The following PLEKHA5 variants were observed in gnomAD, a reference collection of about 807,000 sequenced individuals.
PLEKHA5 encodes pleckstrin homology domain containing A5.
In PLEKHA5, 55 loss-of-function variants were observed where a neutral mutation model predicts 181.9. That is an observed-to-expected ratio of 0.30 (90% CI 0.24 to 0.38). The LOEUF (loss-of-function observed/expected upper bound fraction) is 0.38, where lower values mean the gene tolerates loss of function less well. Among genes scored for constraint, PLEKHA5 ranks in the 10% least tolerant of loss-of-function variants. PLEKHA5 has a pLI of 1.00. For synonymous variants in PLEKHA5, 535 were observed against 529.4 expected, an observed-to-expected ratio of 1.01 and a Z score of -0.15; for missense variants, 1,432 against 1,549.5, an observed-to-expected ratio of 0.92 and a Z score of 1.27.
At chr12:19,190,794 C>T (rs560897761) in intron 3 of PLEKHA5, among the ~76,000 whole-genome samples, 2 of 152,224 alleles carry the variant, frequency 1.3e-5, no homozygotes, top group South Asian at 2.1e-4. Context: ...TATTCTCAGC[C>T]CTCTCAAGAT....
intron 11 of PLEKHA5, among the ~76,000 whole-genome samples, chr12:19,275,309 G>T (rs2074187811): frequency 6.6e-6 from 1 of 151,968 alleles, no homozygotes; most frequent in African/African-American, 2.4e-5. Context: ...CTTGTCCCCT[G>T]CCATTATCAC....
intron 11 of PLEKHA5, among the ~76,000 whole-genome samples, chr12:19,279,723 T>C (rs1487101676): frequency 1.3e-5 from 2 of 151,120 alleles, no homozygotes; most frequent in Non-Finnish European, 3.0e-5. Context: ...CCTACTCCCC[T>C]ACCCTGCCCC....
intron 15 of PLEKHA5, among the ~76,000 whole-genome samples, chr12:19,303,120 C>A (rs1196579091): frequency 6.6e-6 from 1 of 151,624 alleles, no homozygotes; most frequent in Non-Finnish European, 1.5e-5. Context: ...CGGGGTTTCA[C>A]CATGTTGGCC....
chr12:19,156,803 G>T (rs1459400746), intron 3 of PLEKHA5, among the ~76,000 whole-genome samples: 1 of 151,656 alleles, frequency 6.6e-6, no homozygotes, highest in Non-Finnish European at 1.5e-5. Flanking sequence ...CCTGCACTTT[G>T]GGAGGCCAGG....
intron 3 of PLEKHA5, among the ~76,000 whole-genome samples, chr12:19,222,223 A>C (rs2059056470): frequency 1.3e-5 from 2 of 152,148 alleles, no homozygotes; most frequent in African/African-American, 4.8e-5. Context: ...ATTATCAAAG[A>C]AAGATCCTCA....
At chr12:19,372,774 C>CTT (rs1178948068) in intron 31 of PLEKHA5, 23 of 139,400 alleles carry the variant, frequency 1.6e-4, no homozygotes, top group African/African-American at 4.8e-4. Flanking sequence ...TTTCTTTTTT[C>CTT]TTTTTTTTTT....
chr12:19,319,411 C>G (rs199592961), intron 16 of PLEKHA5, among the ~76,000 whole-genome samples: 1 of 152,130 alleles, frequency 6.6e-6, no homozygotes, highest in East Asian at 1.9e-4. Flanking sequence ...TAGATCAATT[C>G]AAAGTTATCT....
intron 15 of PLEKHA5, among the ~76,000 whole-genome samples, chr12:19,311,183 T>C (rs1034369505): frequency 3.3e-5 from 5 of 150,986 alleles, no homozygotes; most frequent in African/African-American, 1.2e-4. Context: ...CCTGTCACTT[T>C]GGAAGGATAA....
At chr12:19,193,667 C>G (rs1257054749) in intron 3 of PLEKHA5, among the ~76,000 whole-genome samples, 1 of 152,122 alleles carries the variant, frequency 6.6e-6, no homozygotes, top group Non-Finnish European at 1.5e-5. Context: ...TCCTATCATC[C>G]ACCCTTCTCC....
At chr12:19,246,496 G>A (rs1487872731) in intron 3 of PLEKHA5, among the ~76,000 whole-genome samples, 1 of 151,234 alleles carries the variant, frequency 6.6e-6, no homozygotes, top group African/African-American at 2.4e-5. Context: ...GGTGGCAGGC[G>A]CCTGTAATCC....
intron 15 of PLEKHA5, among the ~76,000 whole-genome samples, chr12:19,294,778 A>G (rs1046182440): frequency 1.3e-5 from 2 of 152,210 alleles, no homozygotes; most frequent in Non-Finnish European, 2.9e-5. Context: ...AAAATAAAAT[A>G]GCCTTATCTG....
At chr12:19,361,911 C>T (rs1023425529) in intron 29 of PLEKHA5, among the ~76,000 whole-genome samples, 1 of 152,100 alleles carries the variant, frequency 6.6e-6, no homozygotes, top group Non-Finnish European at 1.5e-5. Flanking sequence ...TGGTGCACAT[C>T]TATAATTCCA....
chr12:19,176,603 A>G (rs923887734), intron 3 of PLEKHA5: 2 of 152,096 alleles, frequency 1.3e-5, no homozygotes, highest in African/African-American at 4.8e-5. Context: ...TCTCTTCATT[A>G]ACAGAGATTA....
At chr12:19,326,923 A>G (rs1830612472) in intron 20 of PLEKHA5, among the ~76,000 whole-genome samples, 1 of 152,324 alleles carries the variant, frequency 6.6e-6, no homozygotes, top group South Asian at 2.1e-4. Flanking sequence ...GTTGTGTAGT[A>G]CCGTGGTATA....
In PLEKHA5 at chr12:19,227,179, G is replaced by A. The variant is rs533472474; in HGVS notation, c.228-26761G>A. Among the ~76,000 whole-genome samples, 3 of 151,830 alleles carry A rather than the reference G, an allele frequency of 2.0e-5. No individual in the cohort carries two copies. In the East Asian group the frequency reaches 5.8e-4, roughly 29 times the overall value. The stretch of plus-strand genomic sequence containing the variant: ...CATTGATTAAATGTACTTTTTTGGG[G>A]GTCACAGAATGTGATAGACCATTCT... On this transcript the variant is annotated intron_variant, in intron 3 of 31. Coordinates refer to ENST00000429027, the MANE Select transcript of PLEKHA5 (RefSeq NM_001256470.2).
rs73347008 is a variant in PLEKHA5 at position 19,220,853 on chromosome 12, G to A, written c.228-33087G>A. 2.1e-3 allele frequency among the ~76,000 whole-genome samples: 319 copies of A among 152,194 alleles called. 3 individuals are homozygous for A. The highest frequency in any genetic ancestry group is 7.4e-3 in the African/African-American group (308 of 41,530). On this transcript the variant is annotated intron_variant, in intron 3 of 31. Coordinates refer to ENST00000429027, the MANE Select transcript of PLEKHA5 (RefSeq NM_001256470.2). ...CAATTAAAATATGAGCAAATGATTT[G>A]AACAGACACTTTGTCAAAGAAAACA...
chr12:19,264,468 A>G (rs1027690542), intron 7 of PLEKHA5, among the ~76,000 whole-genome samples: 7 of 152,240 alleles, frequency 4.6e-5, no homozygotes, highest in African/African-American at 7.2e-5. Context: ...AACATAAAAC[A>G]TAAAATTGGA....
intron 15 of PLEKHA5, among the ~76,000 whole-genome samples, chr12:19,303,228 A>G (rs2082121194): frequency 6.6e-6 from 1 of 151,998 alleles, no homozygotes. Flanking sequence ...ATAAACTTTT[A>G]AGAGAGCAAT....
chr12:19,375,238 C>T (rs543872587), intron 31 of PLEKHA5, among the ~76,000 whole-genome samples: 3 of 151,680 alleles, frequency 2.0e-5, no homozygotes, highest in African/African-American at 7.3e-5. Context: ...GCAGGAGAAT[C>T]GCTTGAACCC....
Sources: allele counts gnomAD v4.1 joint callset (sites outside exome capture counted in the v4.1 genomes callset), GRCh38; gene constraint gnomAD v4.1.1; transcripts MANE v1.5; gene names NCBI Gene and HGNC (gene_info 2026-07-23, HGNC 2026-07-21).